Variants in ATP8A1 observed in about 807,000 individuals in gnomAD.
ATP8A1 encodes phospholipid-transporting ATPase IA.
ATP8A1 carries 90 observed loss-of-function variants against 177.7 expected under a neutral mutation model. That is an observed-to-expected ratio of 0.51 (90% CI 0.43 to 0.60). The LOEUF (loss-of-function observed/expected upper bound fraction) is 0.60. ATP8A1 is among the 20% of genes least tolerant of loss of function. The pLI, the probability that ATP8A1 is intolerant of heterozygous loss-of-function variation, is 0.00. For missense variants in ATP8A1, 1,072 were observed against 1,392.8 expected (o/e 0.77, Z 3.67); for synonymous variants, 493 against 485.9 (o/e 1.01, Z -0.19).
At chr4:42,648,425 C>T (rs557282548) in intron 1 of ATP8A1, among the ~76,000 whole-genome samples, 7 of 152,012 alleles carry the variant, frequency 4.6e-5, no homozygotes, top group South Asian at 4.2e-4. Flanking sequence ...TATATACATA[C>T]GGAAGCACCT....
In ATP8A1 at chr4:42,528,793, T is replaced by C. The variant is rs558405343; in HGVS notation, c.1723-3946A>G. Among the ~76,000 whole-genome samples, 9 of 152,256 alleles carry C rather than the reference T, an allele frequency of 5.9e-5. No homozygotes were observed. The South Asian group carries it at 8.3e-4, about 14-fold the overall frequency. On this transcript the variant is annotated intron_variant, in intron 20 of 36. Coordinates refer to ENST00000381668, the MANE Select transcript of ATP8A1 (RefSeq NM_006095.2). ...CATCACACTGATGACATTATGCTGATTGGATCCAGTGAGCAAGAAGTAGCA... is the reference window on the plus strand; with the variant it reads ...CATCACACTGATGACATTATGCTGACTGGATCCAGTGAGCAAGAAGTAGCA...
chr4:42,584,667 C>G lies in ATP8A1; in HGVS notation c.722+1682G>C, dbSNP rs1733438694. Among the ~76,000 whole-genome samples the G allele has an allele frequency of 3.9e-5, 6 of 152,184 alleles. No homozygotes were observed. The South Asian group carries it at 1.2e-3, about 32-fold the overall frequency. ...GAGGGTCTCAGGATAGCTCTTGGGT[C>G]TCTTCAGTTTTCTGTCTATACCCTT... On this transcript the variant is annotated intron_variant, in intron 9 of 36. Transcript: ENST00000381668.
At position 42,411,862 on chromosome 4, in the gene ATP8A1, T is replaced by C. The variant is rs1712654833; in HGVS notation, c.*1054A>G. 6.6e-6 allele frequency: 1 copy of C among 152,198 alleles called. No homozygotes were observed. Among genetic ancestry groups the C allele is most frequent in the South Asian group, 2.1e-4 (1 of 4,834 alleles). The allele number at this position is 152,198 out of a possible 1,614,324, so 9.4% of individuals were successfully genotyped here. ...AGGGGGCAGTCACCATAACACTGGG[T>C]GTGCTACACAAGACACAGGCATCTC... On this transcript the variant is annotated 3_prime_UTR_variant, in exon 37 of 37. Transcript: ENST00000381668.
At chr4:42,616,996 T>C (rs7657456) in intron 4 of ATP8A1, among the ~76,000 whole-genome samples, 34,400 of 152,178 alleles carry the variant, frequency 0.23, 4,353 homozygotes, top group Non-Finnish European at 0.29. Context: ...GCTCAAAGAT[T>C]GTATCATACA....
chr4:42,469,523 A>G (rs1720163934), intron 25 of ATP8A1, among the ~76,000 whole-genome samples: 1 of 152,242 alleles, frequency 6.6e-6, no homozygotes, highest in African/African-American at 2.4e-5. Context: ...GGGGGTTACA[A>G]TATAGCAAAA....
intron 8 of ATP8A1, among the ~76,000 whole-genome samples, chr4:42,587,741 G>C (rs896296501): frequency 6.6e-6 from 1 of 151,922 alleles, no homozygotes; most frequent in Non-Finnish European, 1.5e-5. Flanking sequence ...CGAGTAGCTG[G>C]TACTACAGGC....
At chr4:42,427,274 A>G (rs1394827086) in intron 33 of ATP8A1, among the ~76,000 whole-genome samples, 1 of 152,272 alleles carries the variant, frequency 6.6e-6, no homozygotes, top group East Asian at 1.9e-4. Flanking sequence ...CTACAAATAC[A>G]TGAAATTCTG....
At chr4:42,414,462 T>C (rs1402675345) in intron 36 of ATP8A1, among the ~76,000 whole-genome samples, 165 bp downstream of exon 36, 1 of 152,230 alleles carries the variant, frequency 6.6e-6, no homozygotes, top group African/African-American at 2.4e-5. Flanking sequence ...GAAAGTGAAA[T>C]GGTTCTGACC....
At chr4:42,604,460 T>A (rs2109411695) in intron 5 of ATP8A1, among the ~76,000 whole-genome samples, 1 of 152,204 alleles carries the variant, frequency 6.6e-6, no homozygotes, top group African/African-American at 2.4e-5. Flanking sequence ...CTGGGTGGAA[T>A]GCTGGATCCA....
rs146268482 is a variant in ATP8A1, at chr4:42,505,382, C to A, written c.2086+1634G>T. Among the ~76,000 whole-genome samples the A allele has an allele frequency of 2.3e-3, 348 of 152,300 alleles. 3 individuals carry two copies. Among genetic ancestry groups the A allele is most frequent in the African/African-American group, 8.0e-3 (331 of 41,566 alleles). The stretch of plus-strand genomic sequence containing the variant: ...TTCATAATGGTGAACATATCCTGAA[C>A]TTGACATTTTCCTATTTTCCACATT... On this transcript the variant is annotated intron_variant, in intron 23 of 36. Coordinates refer to ENST00000381668, the MANE Select transcript of ATP8A1 (RefSeq NM_006095.2).
chr4:42,567,105 T>C (rs1408770247), intron 15 of ATP8A1, among the ~76,000 whole-genome samples: 1 of 152,238 alleles, frequency 6.6e-6, no homozygotes, highest in Non-Finnish European at 1.5e-5. Context: ...CTTGGTTGCT[T>C]AGTATCCAAA....
At chr4:42,636,157 C>T (rs1473345644) in intron 1 of ATP8A1, among the ~76,000 whole-genome samples, 5 of 15,082 alleles carry the variant, frequency 3.3e-4, no homozygotes, top group South Asian at 1.8e-3. Context: ...CACACACACA[C>T]GCACACACAC....
At chr4:42,460,402 T>C (rs1718989891) in intron 27 of ATP8A1, among the ~76,000 whole-genome samples, 1 of 119,426 alleles carries the variant, frequency 8.4e-6, no homozygotes, top group African/African-American at 3.2e-5. Flanking sequence ...TTTTTTTTTT[T>C]TCTGAGATGG....
intron 33 of ATP8A1, among the ~76,000 whole-genome samples, chr4:42,431,470 G>T (rs2153170742): frequency 6.9e-6 from 1 of 144,958 alleles, no homozygotes; most frequent in East Asian, 2.0e-4. Flanking sequence ...AAATTTTCTA[G>T]TTTTTCTCCT....
At chr4:42,608,376 T>TTTTTTTG in intron 5 of ATP8A1, among the ~76,000 whole-genome samples, 2 of 151,782 alleles carry the variant, frequency 1.3e-5, no homozygotes, top group African/African-American at 2.4e-5. Context: ...TTTTTTTTTT[T>TTTTTTTG]GGAGACAGAG....
intron 6 of ATP8A1, among the ~76,000 whole-genome samples, chr4:42,592,383 G>C (rs922365536): frequency 2.0e-5 from 3 of 152,046 alleles, no homozygotes; most frequent in African/African-American, 7.2e-5. Flanking sequence ...TTCTGAAGTT[G>C]GATAGAGTCA....
chr4:42,575,741 A>G (rs1180807219), intron 12 of ATP8A1, 42 bp from the exon 13 acceptor site: 5 of 1,521,524 alleles, frequency 3.3e-6, no homozygotes, highest in Non-Finnish European at 4.5e-6. Context: ...AACTGGTAAT[A>G]AGGAATTGGG....
chr4:42,414,119 ACT>A (rs752722512), intron 36 of ATP8A1, among the ~76,000 whole-genome samples: 94 of 152,354 alleles, frequency 6.2e-4, no homozygotes, highest in Admixed American at 1.7e-3. Context: ...AAGATATATT[ACT>A]CACACAAATA....
chr4:42,503,875 C>T (rs1222779539), intron 23 of ATP8A1, among the ~76,000 whole-genome samples: 1 of 152,206 alleles, frequency 6.6e-6, no homozygotes, highest in Non-Finnish European at 1.5e-5. Context: ...CAGAACCCTT[C>T]TCTAGACACC....
Sources: allele counts gnomAD v4.1 joint callset (sites outside exome capture counted in the v4.1 genomes callset), GRCh38; gene constraint gnomAD v4.1.1; transcripts MANE v1.5; gene names NCBI Gene and HGNC (gene_info 2026-07-23, HGNC 2026-07-21).